Variants in LRRC4C observed in about 807,000 individuals in gnomAD.
LRRC4C encodes leucine rich repeat containing 4C.
LRRC4C carries 5 observed loss-of-function variants against 33.6 expected under a neutral mutation model. The observed-to-expected ratio is 0.15, with a 90% CI of 0.08 to 0.31. The LOEUF (loss-of-function observed/expected upper bound fraction) is 0.31. Ranked by LOEUF, LRRC4C falls within the 10% of genes least tolerant of loss-of-function variation. The pLI is 1.00. For synonymous variants in LRRC4C, 329 were observed against 302.0 expected (o/e 1.09, Z -0.93); for missense variants, 560 against 796.7 (o/e 0.70, Z 3.58).
intron 1 of LRRC4C, among the ~76,000 whole-genome samples, chr11:41,203,861 C>T (rs1946494250): frequency 6.6e-6 from 1 of 152,132 alleles, no homozygotes; most frequent in South Asian, 2.1e-4. Context: ...AAATGTCTGC[C>T]CTTTAAGACA....
chr11:41,222,565 T>G (rs570274876), intron 1 of LRRC4C, among the ~76,000 whole-genome samples: 1 of 152,122 alleles, frequency 6.6e-6, no homozygotes, highest in South Asian at 2.1e-4. Flanking sequence ...GTTACTGAGC[T>G]CTCTGTTATA....
intron 2 of LRRC4C, among the ~76,000 whole-genome samples, chr11:40,692,434 T>C (rs1945261575): frequency 6.6e-6 from 1 of 152,042 alleles, no homozygotes; most frequent in Non-Finnish European, 1.5e-5. Flanking sequence ...AAGTAGACCT[T>C]TGTAGTTCTG....
At chr11:40,740,562 G>A (rs1039680144) in intron 2 of LRRC4C, among the ~76,000 whole-genome samples, 2 of 151,702 alleles carry the variant, frequency 1.3e-5, no homozygotes, top group Non-Finnish European at 2.9e-5. Flanking sequence ...CAATTGTATA[G>A]TTTGCATATA....
At chr11:40,294,067 AG>A (rs1944385305) in intron 4 of LRRC4C, 1 of 152,314 alleles carries the variant, frequency 6.6e-6, no homozygotes, top group African/African-American at 2.4e-5. Flanking sequence ...AGCTTCCAAA[AG>A]CTCCTTTCGG....
At chr11:40,969,693 T>A (rs938656961) in intron 1 of LRRC4C, among the ~76,000 whole-genome samples, 1 of 152,164 alleles carries the variant, frequency 6.6e-6, no homozygotes, top group Non-Finnish European at 1.5e-5. Context: ...CTAAGGTATA[T>A]ACACTATTTA....
intron 3 of LRRC4C, among the ~76,000 whole-genome samples, chr11:40,544,358 CATG>C (rs1229894617): frequency 6.6e-6 from 1 of 152,010 alleles, no homozygotes; most frequent in Non-Finnish European, 1.5e-5. Flanking sequence ...TTGCACTTCC[CATG>C]ACCTCCTTCT....
Position 41,318,325 on chromosome 11 carries a change from T to A in LRRC4C, c.-496+141106A>T, listed in dbSNP as rs112412211. 4.3e-3 allele frequency among the ~76,000 whole-genome samples: 652 copies of A among 152,342 alleles called. 3 individuals are homozygous for A. The highest frequency in any genetic ancestry group is 0.014 in the African/African-American group (574 of 41,588). On this transcript the variant is annotated intron_variant, in intron 1 of 6. Transcript: ENST00000528697. ...ATTTTTATCTACAATGTAAAAGTTA[T>A]CATTTTTATGTCATACTACCTATCT...
In LRRC4C at chr11:40,868,023, A is replaced by G. The variant is rs568135350; in HGVS notation, c.-407+65612T>C. ...GCTGTTTTTCAACCTCCAGAAAAAGAGAGCTAGGGAGGGCTCCAGAATTTT... is the reference window on the plus strand; with the variant it reads ...GCTGTTTTTCAACCTCCAGAAAAAGGGAGCTAGGGAGGGCTCCAGAATTTT... On this transcript the variant is annotated intron_variant, in intron 2 of 6. Coordinates refer to ENST00000528697, the MANE Select transcript of LRRC4C (RefSeq NM_001258419.2). Among the ~76,000 whole-genome samples, 8 of 152,302 alleles carry G rather than the reference A, an allele frequency of 5.3e-5. No individual in the cohort carries two copies. In the South Asian group the frequency reaches 1.7e-3, roughly 32 times the overall value.
intron 1 of LRRC4C, among the ~76,000 whole-genome samples, chr11:41,390,662 C>T (rs1003261759): frequency 6.6e-6 from 1 of 151,888 alleles, no homozygotes; most frequent in Non-Finnish European, 1.5e-5. Flanking sequence ...TGAACTTCAT[C>T]TGATCATCTC....
chr11:41,413,372 G>A (rs1240444510), intron 1 of LRRC4C, among the ~76,000 whole-genome samples: 1 of 152,172 alleles, frequency 6.6e-6, no homozygotes, highest in Non-Finnish European at 1.5e-5. Context: ...CTAAGGATTA[G>A]TTAATTAATG....
At chr11:40,651,973 A>G (rs1436830891) in intron 2 of LRRC4C, among the ~76,000 whole-genome samples, 1 of 152,152 alleles carries the variant, frequency 6.6e-6, no homozygotes, top group Non-Finnish European at 1.5e-5. Context: ...TCTGTATGAG[A>G]GTTGTGATTT....
At chr11:40,761,168 T>C (rs1045861045) in intron 2 of LRRC4C, among the ~76,000 whole-genome samples, 2 of 152,066 alleles carry the variant, frequency 1.3e-5, no homozygotes, top group African/African-American at 4.8e-5. Context: ...CCGCACCTGA[T>C]CTAGATTCCA....
chr11:40,869,580 GTA>G (rs759604382), intron 2 of LRRC4C, among the ~76,000 whole-genome samples: 62 of 152,192 alleles, frequency 4.1e-4, no homozygotes, highest in Non-Finnish European at 7.9e-4. Flanking sequence ...AGTTTAACTG[GTA>G]TATGACCTTC....
intron 2 of LRRC4C, among the ~76,000 whole-genome samples, chr11:40,807,191 T>C (rs1242029179): frequency 6.6e-6 from 1 of 152,160 alleles, no homozygotes; most frequent in Non-Finnish European, 1.5e-5. Flanking sequence ...GACTGATAAG[T>C]TGTCAATAAT....
chr11:40,939,870 A>G (rs541395944), intron 1 of LRRC4C, among the ~76,000 whole-genome samples: 3 of 152,252 alleles, frequency 2.0e-5, no homozygotes, highest in Admixed American at 6.5e-5. Flanking sequence ...TCAGACAGAA[A>G]TCATTGTGAT....
At chr11:40,803,549 T>A (rs1192513599) in intron 2 of LRRC4C, among the ~76,000 whole-genome samples, 1 of 152,166 alleles carries the variant, frequency 6.6e-6, no homozygotes, top group Non-Finnish European at 1.5e-5. Context: ...CTCCCAAACT[T>A]TTAAAATAAT....
chr11:41,370,560 C>T (rs1200116025), intron 1 of LRRC4C, among the ~76,000 whole-genome samples: 2 of 152,092 alleles, frequency 1.3e-5, no homozygotes, highest in Admixed American at 1.3e-4. Context: ...CTCTTGCCGC[C>T]ACCATGTAAG....
At chr11:40,715,200 T>C (rs1040127124) in intron 2 of LRRC4C, among the ~76,000 whole-genome samples, 1 of 152,196 alleles carries the variant, frequency 6.6e-6, no homozygotes, top group Non-Finnish European at 1.5e-5. Context: ...TAAAGAGACC[T>C]ACAATTAAAT....
intron 1 of LRRC4C, among the ~76,000 whole-genome samples, chr11:41,309,828 C>T (rs1334028010): frequency 6.6e-6 from 1 of 152,198 alleles, no homozygotes; most frequent in Non-Finnish European, 1.5e-5. Flanking sequence ...TTTACCATCA[C>T]CCTTACAGCC....
Sources: gnomAD v4.1 joint callset for allele counts (sites outside exome capture counted in the v4.1 genomes callset) on GRCh38, gnomAD v4.1.1 for gene constraint, MANE v1.5 for transcripts, NCBI Gene and HGNC (gene_info 2026-07-23, HGNC 2026-07-21) for gene names.